The following SGCD variants were observed in gnomAD, a reference collection of about 807,000 sequenced individuals.
SGCD encodes sarcoglycan delta, also known as delta-sarcoglycan.
Under a neutral mutation model 36.6 loss-of-function variants are expected in SGCD, and 18 were observed. The ratio of observed to expected loss-of-function variants is 0.49; its 90% CI spans 0.34 to 0.73. The LOEUF is 0.73. Among genes scored for constraint, SGCD ranks in the 30% least tolerant of loss-of-function variants. The probability of loss-of-function intolerance (pLI) is 0.01; values close to 1 mark genes in which losing one functional copy is unlikely to be tolerated. For synonymous variants in SGCD, 133 were observed against 130.6 expected (o/e 1.02, Z -0.12); for missense variants, 387 against 346.7 (o/e 1.12, Z -0.92).
At chr5:156,164,523 T>A (rs891448696) in intron 3 of SGCD, among the ~76,000 whole-genome samples, 7 of 152,218 alleles carry the variant, frequency 4.6e-5, no homozygotes, top group African/African-American at 1.7e-4. Context: ...TTCCTGTCTA[T>A]TTCCAGTCTG....
At chr5:156,013,006 A>G (rs980630345) in intron 1 of SGCD, among the ~76,000 whole-genome samples, 4 of 147,444 alleles carry the variant, frequency 2.7e-5, no homozygotes, top group Non-Finnish European at 4.5e-5. Flanking sequence ...TCATTTCCAT[A>G]TAGCTGGACA....
intron 6 of SGCD, among the ~76,000 whole-genome samples, chr5:156,605,904 C>G (rs1761422742): frequency 6.6e-6 from 1 of 151,800 alleles, no homozygotes; most frequent in Non-Finnish European, 1.5e-5. Flanking sequence ...TTGTTTTTTT[C>G]TCGTAAATTT....
intron 2 of SGCD, among the ~76,000 whole-genome samples, chr5:156,122,804 T>C (rs1482115391): frequency 7.5e-6 from 1 of 133,524 alleles, no homozygotes; most frequent in African/African-American, 2.9e-5. Flanking sequence ...TGTAGATCTT[T>C]AATGATGTCT....
At chr5:156,005,543 CG>C (rs2127569180) in intron 1 of SGCD, among the ~76,000 whole-genome samples, 1 of 152,110 alleles carries the variant, frequency 6.6e-6, no homozygotes, top group Non-Finnish European at 1.5e-5. Context: ...CTCCACCTCC[CG>C]GGTTCACGCC....
rs1168695795 is a variant in SGCD, at chr5:156,073,099, G to A, written c.-281-44779G>A. On this transcript the variant is annotated intron_variant, in intron 1 of 9. Transcript: ENST00000517913. ...GAATTTCCTCCTGTAGCTCGGAGTAGTTTGGTCATCTGAAGAGAATATGGC... is the reference window on the plus strand; with the variant it reads ...GAATTTCCTCCTGTAGCTCGGAGTAATTTGGTCATCTGAAGAGAATATGGC... Among the ~76,000 whole-genome samples, 8 of 152,260 alleles carry A rather than the reference G, an allele frequency of 5.3e-5. No individual in the cohort carries two copies. The South Asian group carries it at 8.3e-4, about 16-fold the overall frequency.
chr5:156,548,294 A>G (rs968611662), intron 4 of SGCD, among the ~76,000 whole-genome samples: 2 of 152,222 alleles, frequency 1.3e-5, no homozygotes, highest in Non-Finnish European at 2.9e-5. Context: ...CTTTGGAAGG[A>G]GAAGAGTTAA....
At chr5:155,908,202 G>A (rs1756562477) in intron 1 of SGCD, among the ~76,000 whole-genome samples, 2 of 151,992 alleles carry the variant, frequency 1.3e-5, no homozygotes, top group Admixed American at 1.3e-4. Context: ...CTTTTATAAT[G>A]CACTGAAAAA....
intron 1 of SGCD, among the ~76,000 whole-genome samples, chr5:155,929,440 CAT>C (rs1432737975): frequency 6.6e-6 from 1 of 152,190 alleles, no homozygotes; most frequent in Non-Finnish European, 1.5e-5. Context: ...AATCGAACCT[CAT>C]AGTTCCCTTC....
chr5:155,784,002 A>C, the SGCD span, among the ~76,000 whole-genome samples: 5 of 152,286 alleles, frequency 3.3e-5, no homozygotes, highest in African/African-American at 1.2e-4. Context: ...GATCTTTAAG[A>C]TATTTGCTGA....
At chr5:155,782,894 A>G in the SGCD span, among the ~76,000 whole-genome samples, 2 of 152,224 alleles carry the variant, frequency 1.3e-5, no homozygotes, top group South Asian at 2.1e-4. Context: ...ATTGTCTTCC[A>G]TGAAACCAGT....
Position 156,018,712 on chromosome 5 carries a change from T to C in SGCD, c.-281-99166T>C, listed in dbSNP as rs111931889. Among the ~76,000 whole-genome samples, 752 of 152,314 alleles carry C rather than the reference T, an allele frequency of 4.9e-3. 9 individuals are homozygous for C. The highest frequency in any genetic ancestry group is 0.017 in the African/African-American group (702 of 41,558). ...TCAGAAACAAACACCTCCTAAAACT[T>C]TTTAACTTCTGGAAGGCTAAAATGT... On this transcript the variant is annotated intron_variant, in intron 1 of 9. Coordinates refer to the SGCD transcript ENST00000517913.
chr5:156,327,494 G>C (rs1424261885), intron 1 of SGCD, among the ~76,000 whole-genome samples: 1 of 152,198 alleles, frequency 6.6e-6, no homozygotes, highest in Non-Finnish European at 1.5e-5. Flanking sequence ...GTAAAGAGGA[G>C]TATGTGAATT....
the SGCD span, among the ~76,000 whole-genome samples, chr5:155,768,632 C>A: frequency 6.6e-6 from 1 of 152,074 alleles, no homozygotes; most frequent in East Asian, 1.9e-4. Flanking sequence ...AAAAAACGAA[C>A]CGGCTCCAGA....
At chr5:156,533,155 C>A (rs552625217) in intron 4 of SGCD, among the ~76,000 whole-genome samples, 8 of 152,248 alleles carry the variant, frequency 5.3e-5, no homozygotes, top group Non-Finnish European at 1.0e-4. Flanking sequence ...TTTCTCTACC[C>A]ATTGTGGTTT....
intron 1 of SGCD, among the ~76,000 whole-genome samples, chr5:156,079,790 C>T (rs142637963): frequency 5.6e-4 from 85 of 152,340 alleles, no homozygotes; most frequent in African/African-American, 1.9e-3. Context: ...CAGCTGCTCT[C>T]ACAGATTGTT....
rs1389578094 is a variant in SGCD at position 156,155,614 on chromosome 5, A to G, written c.-44+31595A>G. Among the ~76,000 whole-genome samples the G allele has an allele frequency of 2.3e-3, 45 of 19,806 alleles. 2 individuals are homozygous for G. The highest frequency in any genetic ancestry group is 5.4e-3 in the African/African-American group (44 of 8,094). The allele number at this position is 19,806 out of a possible 152,430, so 13.0% of individuals were successfully genotyped here. On this transcript the variant is annotated intron_variant, in intron 3 of 9. Transcript: ENST00000517913. ...AAACCTAGTAATGTCGTGGGCTAGGAAAAAAAAAAAAAAAAAAGAAGCACA... is the reference window on the plus strand; with the variant it reads ...AAACCTAGTAATGTCGTGGGCTAGGGAAAAAAAAAAAAAAAAAGAAGCACA...
the SGCD span, among the ~76,000 whole-genome samples, chr5:155,762,651 A>G: frequency 6.6e-6 from 1 of 152,180 alleles, no homozygotes; most frequent in Admixed American, 6.5e-5. Flanking sequence ...CCCAGGTACA[A>G]GGTCACCCAG....
chr5:155,878,281 T>C (rs940686670), intron 1 of SGCD, among the ~76,000 whole-genome samples: 1 of 152,128 alleles, frequency 6.6e-6, no homozygotes, highest in African/African-American at 2.4e-5. Flanking sequence ...GCTTGAATCA[T>C]AGACTTAGCT....
intron 3 of SGCD, among the ~76,000 whole-genome samples, chr5:156,272,105 C>A (rs552077490): frequency 1.3e-5 from 2 of 152,108 alleles, no homozygotes; most frequent in East Asian, 3.9e-4. Context: ...GATGTTAGTG[C>A]ACCCATCACT....
Sources: gnomAD v4.1 joint callset for allele counts (sites outside exome capture counted in the v4.1 genomes callset) on GRCh38, gnomAD v4.1.1 for gene constraint, MANE v1.5 for transcripts, NCBI Gene and HGNC (gene_info 2026-07-23, HGNC 2026-07-21) for gene names.